The following IFT46 variants were observed in gnomAD, a reference collection of about 807,000 sequenced individuals.
IFT46 encodes intraflagellar transport 46, also known as intraflagellar transport protein 46 homolog.
A neutral mutation model predicts 39.6 loss-of-function variants in IFT46; 19 were observed. The observed-to-expected ratio is 0.48, with a 90% CI of 0.33 to 0.70. The LOEUF is 0.70. IFT46 is among the 30% of genes least tolerant of loss of function. The pLI, the probability that IFT46 is intolerant of heterozygous loss-of-function variation, is 0.01. For missense variants in IFT46, 334 were observed against 364.8 expected, an observed-to-expected ratio of 0.92 and a Z score of 0.69; for synonymous variants, 117 against 134.8, an observed-to-expected ratio of 0.87 and a Z score of 0.91.
chr11:118,549,385 CA>C (rs1167551010), intron 9 of IFT46, among the ~76,000 whole-genome samples: 1 of 151,844 alleles, frequency 6.6e-6, no homozygotes, highest in African/African-American at 2.4e-5. Flanking sequence ...TTTGCTTGGA[CA>C]GTAATTTTTT....
At chr11:118,555,402 G>T in intron 4 of IFT46, 80 bp from the exon 5 acceptor site, 1 of 998,056 alleles carries the variant, frequency 1.0e-6, no homozygotes, top group South Asian at 1.3e-5. Context: ...GTGTGTTACT[G>T]ACTATAGGGA....
At chr11:118,559,663 T>G (rs1937965501) in intron 3 of IFT46, 122 bp downstream of exon 3, 1 of 777,396 alleles carries the variant, frequency 1.3e-6, no homozygotes, top group Non-Finnish European at 2.3e-6. Context: ...CTCCATGAGC[T>G]CAAAGGTCCC....
intron 2 of IFT46, chr11:118,561,540 C>T: frequency 1.4e-6 from 1 of 700,732 alleles, no homozygotes. Context: ...TAAAAGAAGG[C>T]AAGCTCCCTC....
upstream of IFT46, among the ~76,000 whole-genome samples, chr11:118,566,620 G>T (rs1461757135): frequency 6.6e-6 from 1 of 152,220 alleles, no homozygotes; most frequent in Non-Finnish European, 1.5e-5. Context: ...ATGAACCCAG[G>T]AGGCGGAGCT....
At chr11:118,563,046 C>T (rs1938113737) in intron 2 of IFT46, among the ~76,000 whole-genome samples, 9 of 148,784 alleles carry the variant, frequency 6.0e-5, no homozygotes, top group African/African-American at 2.2e-4. Context: ...GCCTGGGTGA[C>T]AGAGCGAAAT....
chr11:118,545,796 A>G lies in IFT46; in HGVS notation c.730T>C (p.Cys244Arg). ...CSLAEYIDMI[C>R]AILDIPVYKS... ...AGGAAAGGAAAGAGGAACTCACCAC[A>G]GATCATGTCAATGTACTCTGCCAGG... Residue 244 changes from cysteine (C) to arginine (R), a missense_variant, in exon 10 of 12, where the codon TGT becomes CGT. Coordinates refer to ENST00000264021, the MANE Select transcript of IFT46 (RefSeq NM_001168618.2). The G allele has an allele frequency of 3.1e-6, 5 of 1,614,128 alleles. No homozygotes were observed. The highest frequency in any genetic ancestry group is 4.2e-6 in the Non-Finnish European group (5 of 1,179,962).
chr11:118,573,347 G>A (rs1404322666), upstream of IFT46, among the ~76,000 whole-genome samples: 1 of 152,146 alleles, frequency 6.6e-6, no homozygotes, highest in African/African-American at 2.4e-5. Flanking sequence ...GGATGGGTTA[G>A]CCTCCGAGAC....
intron 3 of IFT46, chr11:118,557,336 C>A (rs1467210925): frequency 4.9e-6 from 2 of 412,030 alleles, no homozygotes; most frequent in South Asian, 4.3e-5. Context: ...CCTGTGTACA[C>A]TTTAGACAGC....
chr11:118,569,562 C>T (rs908266845), upstream of IFT46, among the ~76,000 whole-genome samples: 18 of 152,170 alleles, frequency 1.2e-4, no homozygotes, highest in East Asian at 3.9e-4. Context: ...GGAATTGATA[C>T]GGGTAAGAGC....
upstream of IFT46, among the ~76,000 whole-genome samples, chr11:118,576,895 G>A (rs1428825286): frequency 6.6e-6 from 1 of 152,174 alleles, no homozygotes; most frequent in East Asian, 1.9e-4. Context: ...CTGAAAGCCT[G>A]GAATTCTGGC....
intron 1 of IFT46, chr11:118,572,444 C>G (rs893184537): frequency 6.4e-5 from 78 of 1,226,246 alleles, no homozygotes; most frequent in Non-Finnish European, 7.9e-5. Context: ...CGGTTCCTGT[C>G]AAGGGGGCAG....
chr11:118,562,091 A>G (rs935483967), intron 2 of IFT46, among the ~76,000 whole-genome samples: 27 of 152,178 alleles, frequency 1.8e-4, no homozygotes, highest in African/African-American at 6.3e-4. Context: ...CCTGGCCAAC[A>G]TGGTGAAACC....
rs1937653318 is a variant in IFT46, at chr11:118,551,848, T to C, written c.610A>G (p.Met204Val). 1.9e-6 allele frequency: 3 copies of C among 1,613,724 alleles called. No individual in the cohort carries two copies. Residue 204 changes from methionine (M) to valine (V), a missense_variant, in exon 9 of 12, where the codon ATG (methionine) becomes GTG (valine). Coordinates refer to ENST00000264021, the MANE Select transcript of IFT46 (RefSeq NM_001168618.2). Reference sequence around the variant, plus strand: ...TGCATCAGCGTGTCAATGTCGGGCATGGGCCTAAAAGTATAAAGGTAAATA... The same window carrying C: ...TGCATCAGCGTGTCAATGTCGGGCACGGGCCTAAAAGTATAAAGGTAAATA... ...PPATVHYTRP[M>V]PDIDTLMQEW...
intron 4 of IFT46, chr11:118,555,697 G>A (rs978469675): frequency 4.2e-5 from 8 of 191,606 alleles, no homozygotes; most frequent in South Asian, 9.2e-5. Context: ...CGAGGCAGGC[G>A]GATCACCTGA....
chr11:118,568,022 G>C (rs1348863491), upstream of IFT46, among the ~76,000 whole-genome samples: 1 of 152,062 alleles, frequency 6.6e-6, no homozygotes, highest in African/African-American at 2.4e-5. Flanking sequence ...TGCCACTATG[G>C]GACTCCTCAA....
At chr11:118,545,061 C>A (rs782792449) in intron 11 of IFT46, 50 bp from the exon 12 acceptor site, 19 of 1,247,648 alleles carry the variant, frequency 1.5e-5, no homozygotes, top group Non-Finnish European at 2.2e-5. Flanking sequence ...ATGCTAATTG[C>A]TATATTTTAA....
intron 9 of IFT46, among the ~76,000 whole-genome samples, chr11:118,549,803 G>C (rs544151104): frequency 1.3e-5 from 2 of 151,738 alleles, no homozygotes; most frequent in African/African-American, 4.8e-5. Flanking sequence ...GATTACAGGC[G>C]TGAGCCACTG....
chr11:118,553,712 C>T (rs896624785), intron 7 of IFT46, among the ~76,000 whole-genome samples: 1 of 152,106 alleles, frequency 6.6e-6, no homozygotes, highest in Non-Finnish European at 1.5e-5. Context: ...TACAAATATT[C>T]AAAGCACCAT....
chr11:118,551,842 C>A lies in IFT46; in HGVS notation c.616G>T (p.Asp206Tyr). 6.2e-7 allele frequency: 1 copy of A among 1,613,984 alleles called. No homozygotes were observed. Among genetic ancestry groups the A allele is most frequent in the Non-Finnish European group, 8.5e-7 (1 of 1,179,958 alleles). The change falls in exon 9 of 12, where the codon GAC becomes TAC. Residue 206 changes from aspartate to tyrosine, a missense_variant. By Grantham distance (160) the Asp-to-Tyr change is radical. Transcript: ENST00000264021. ...CATTCCTGCATCAGCGTGTCAATGT[C>A]GGGCATGGGCCTAAAAGTATAAAGG... The part of the protein sequence containing the change: ...ATVHYTRPMP[D>Y]IDTLMQEWSP...
Sources: allele counts gnomAD v4.1 joint callset (sites outside exome capture counted in the v4.1 genomes callset), GRCh38; gene constraint gnomAD v4.1.1; transcripts MANE v1.5; gene names NCBI Gene and HGNC (gene_info 2026-07-23, HGNC 2026-07-21).